The following RBBP8 variants were observed in gnomAD, a reference collection of about 807,000 sequenced individuals.
RBBP8 encodes the protein DNA endonuclease RBBP8.
In RBBP8, 88 loss-of-function variants were observed where a neutral mutation model predicts 108.3. That is an observed-to-expected ratio of 0.81 (90% confidence interval 0.68 to 0.97). The LOEUF (loss-of-function observed/expected upper bound fraction) is 0.97, where lower values mean the gene tolerates loss of function less well. Among genes scored for constraint, RBBP8 ranks in the 50% least tolerant of loss-of-function variants. The probability of loss-of-function intolerance (pLI) is 0.00; values close to 1 mark genes in which losing one functional copy is unlikely to be tolerated. For missense variants in RBBP8, 1,023 were observed against 1,049.0 expected (o/e 0.98, Z 0.34); for synonymous variants, 332 against 348.2 (o/e 0.95, Z 0.52).
chr18:23,014,757 G>A (rs887562453), intron 16 of RBBP8, among the ~76,000 whole-genome samples: 4 of 152,136 alleles, frequency 2.6e-5, no homozygotes, highest in Non-Finnish European at 5.9e-5. Flanking sequence ...CTAGGTTTCC[G>A]TGATTCACAG....
chr18:22,939,957 C>G (rs1567947356), intron 2 of RBBP8, among the ~76,000 whole-genome samples: 1 of 152,032 alleles, frequency 6.6e-6, no homozygotes, highest in Non-Finnish European at 1.5e-5. Context: ...ATAGCACATG[C>G]AAAAGTTTGC....
At position 22,928,136 on chromosome 18, in the gene RBBP8, G is replaced by C. The variant is rs9950539; in HGVS notation, c.-153-1247G>C. ...GGATTGCTTGAATCTGGAGGGTGAAGGCTATCATAAGCTGAGATCGCGCCA... is the reference window on the plus strand; with the variant it reads ...GGATTGCTTGAATCTGGAGGGTGAACGCTATCATAAGCTGAGATCGCGCCA... On this transcript the variant is annotated intron_variant, in intron 3 of 4. Coordinates refer to the RBBP8 transcript ENST00000577588. Among the ~76,000 whole-genome samples the C allele has an allele frequency of 8.2e-3, 1,247 of 151,562 alleles. 20 individuals are homozygous for C. Among genetic ancestry groups the C allele is most frequent in the African/African-American group, 0.029 (1,201 of 41,318 alleles).
At chr18:22,970,034 A>G (rs918908335) in intron 5 of RBBP8, among the ~76,000 whole-genome samples, 1 of 152,210 alleles carries the variant, frequency 6.6e-6, no homozygotes, top group African/African-American at 2.4e-5. Context: ...TACCTTATAT[A>G]AAGTCACATA....
At chr18:22,961,062 G>A (rs1170845698) in intron 4 of RBBP8, among the ~76,000 whole-genome samples, 1 of 152,200 alleles carries the variant, frequency 6.6e-6, no homozygotes, top group African/African-American at 2.4e-5. Context: ...AGTTCCAACA[G>A]ACCTAATCAT....
chr18:22,968,281 C>T (rs1172870596), intron 4 of RBBP8, among the ~76,000 whole-genome samples: 2 of 152,114 alleles, frequency 1.3e-5, no homozygotes, highest in African/African-American at 2.4e-5. Flanking sequence ...CTGTATTGGC[C>T]AGGCTGGTCT....
intron 6 of RBBP8, among the ~76,000 whole-genome samples, chr18:22,976,572 GAC>G (rs2144628766): frequency 6.6e-6 from 1 of 152,210 alleles, no homozygotes; most frequent in Non-Finnish European, 1.5e-5. Flanking sequence ...TGATGCTTCA[GAC>G]TCCACTGGAG....
intron 12 of RBBP8, among the ~76,000 whole-genome samples, chr18:22,994,397 C>CTT (rs1422913157): frequency 6.7e-6 from 1 of 149,268 alleles, no homozygotes; most frequent in Non-Finnish European, 1.5e-5. Context: ...AATCCCAGCA[C>CTT]TTTGGGAGGC....
intron 7 of RBBP8, among the ~76,000 whole-genome samples, chr18:22,982,637 TTC>T (rs1278932314): frequency 2.6e-5 from 4 of 152,214 alleles, no homozygotes; most frequent in African/African-American, 4.8e-5. Context: ...AGTAAATAGT[TTC>T]TTTTTTCTTT....
chr18:23,023,062 CT>C (rs111634268), intron 18 of RBBP8, among the ~76,000 whole-genome samples: 2,694 of 146,382 alleles, frequency 0.018, 76 homozygotes, highest in African/African-American at 0.059. Context: ...ATACCCAGCA[CT>C]TTTTTTTTTT....
At chr18:23,018,040 T>TG (rs1442665160) in intron 17 of RBBP8, among the ~76,000 whole-genome samples, 1 of 150,620 alleles carries the variant, frequency 6.6e-6, no homozygotes, top group Non-Finnish European at 1.5e-5. Context: ...ACCACCATGC[T>TG]GGCCAAGTTC....
At chr18:22,940,066 G>C (rs956896111) in intron 2 of RBBP8, among the ~76,000 whole-genome samples, 4 of 151,068 alleles carry the variant, frequency 2.6e-5, no homozygotes, top group Non-Finnish European at 5.9e-5. Context: ...AGGTGGATAG[G>C]ATATGATGCT....
chr18:22,993,972 T>C, intron 12 of RBBP8, 125 bp downstream of exon 12: 1 of 974,548 alleles, frequency 1.0e-6, no homozygotes, highest in Non-Finnish European at 1.5e-6. Context: ...GGTGTCTGTA[T>C]TTATAGGACG....
At chr18:22,938,223 T>C (rs1216805553) in intron 2 of RBBP8, among the ~76,000 whole-genome samples, 1 of 152,136 alleles carries the variant, frequency 6.6e-6, no homozygotes, top group East Asian at 1.9e-4. Flanking sequence ...TGTCAAACTC[T>C]CGGGCCCAAG....
chr18:23,002,518 C>T (rs1309917988), intron 15 of RBBP8, among the ~76,000 whole-genome samples: 1 of 152,112 alleles, frequency 6.6e-6, no homozygotes, highest in Non-Finnish European at 1.5e-5. Context: ...GTGTATTAGT[C>T]TTAATATCTC....
chr18:22,997,605 A>G lies in RBBP8; in HGVS notation c.2029-15A>G, dbSNP rs765503787. 6.6e-7 allele frequency: 1 copy of G among 1,508,156 alleles called. No individual in the cohort carries two copies. Among genetic ancestry groups the G allele is most frequent in the South Asian group, 1.2e-5 (1 of 83,470 alleles). 93.4% of individuals were successfully genotyped at this position (1,508,156 alleles called of 1,614,324 possible). A position where few individuals can be genotyped will look rare whatever the true frequency, so the allele number is the denominator to read the frequency against. On this transcript the variant is annotated splice_polypyrimidine_tract_variant and intron_variant, in intron 13 of 18. Coordinates refer to ENST00000327155, the MANE Select transcript of RBBP8 (RefSeq NM_002894.3). The stretch of plus-strand genomic sequence containing the variant: ...ATAATTGTTAAAATTTTTGATTTTT[A>G]AAATATTTATTTAGGATGGCAGTCA...
chr18:22,994,084 G>T (rs1381299473), intron 12 of RBBP8, among the ~76,000 whole-genome samples: 1 of 136,590 alleles, frequency 7.3e-6, no homozygotes, highest in African/African-American at 2.7e-5. Flanking sequence ...GCAGTGGCGC[G>T]ATCTCGGCTC....
In RBBP8 at chr18:22,975,146, T is replaced by C. The variant is rs750729123; in HGVS notation, c.362-7T>C. 9.9e-6 allele frequency: 16 copies of C among 1,609,516 alleles called. No individual in the cohort carries two copies. In the Admixed American group the frequency reaches 2.2e-4, roughly 22 times the overall value. ...TTATTTGCCTTCTTTTTCACATTGT[T>C]TTTAAGTGAATGAAAGGAATACTCT... is the stretch of plus-strand genomic sequence containing the variant. On this transcript the variant is annotated splice_region_variant and splice_polypyrimidine_tract_variant and intron_variant, in intron 5 of 18. Coordinates refer to ENST00000327155, the MANE Select transcript of RBBP8 (RefSeq NM_002894.3).
At chr18:22,966,587 A>G (rs78554628) in intron 4 of RBBP8, among the ~76,000 whole-genome samples, 1,418 of 89,510 alleles carry the variant, frequency 0.016, 25 homozygotes, top group African/African-American at 0.044. Flanking sequence ...AAAAAAAAAA[A>G]AAAAAGTCTA....
chr18:23,006,132 G>GCAGA (rs2046042100), intron 15 of RBBP8, among the ~76,000 whole-genome samples: 1 of 151,724 alleles, frequency 6.6e-6, no homozygotes, highest in Non-Finnish European at 1.5e-5. Context: ...CTTGCAGTGA[G>GCAGA]CAGAGATTGT....
Sources: gnomAD v4.1 joint callset for allele counts (sites outside exome capture counted in the v4.1 genomes callset) on GRCh38, gnomAD v4.1.1 for gene constraint, MANE v1.5 for transcripts, NCBI Gene and HGNC (gene_info 2026-07-23, HGNC 2026-07-21) for gene names.